The following NF2 variants were observed in gnomAD, a reference collection of about 807,000 sequenced individuals.
The protein encoded by NF2 is NF2, moesin-ezrin-radixin like (MERLIN) tumor suppressor, also known as merlin.
In NF2, 8 loss-of-function variants were observed where a neutral mutation model predicts 83.7. The observed-to-expected ratio is 0.10, with a 90% CI of 0.06 to 0.17. NF2 has a LOEUF of 0.17. Among genes scored for constraint, NF2 ranks in the 10% least tolerant of loss-of-function variants. NF2 has a pLI of 1.00. For synonymous variants in NF2, 266 were observed against 269.6 expected (o/e 0.99, Z 0.13); for missense variants, 533 against 744.4 (o/e 0.72, Z 3.31).
intron 4 of NF2, among the ~76,000 whole-genome samples, chr22:29,642,748 G>C (rs992409294): frequency 4.0e-5 from 6 of 151,858 alleles, no homozygotes; most frequent in African/African-American, 1.5e-4. Context: ...AGGTCAGAAA[G>C]GCCCAGGTCC....
intron 15 of NF2, chr22:29,683,105 G>C (rs756406669): frequency 6.2e-7 from 1 of 1,614,176 alleles, no homozygotes; most frequent in South Asian, 1.1e-5. Context: ...TGATGGTGCT[G>C]CCCTCTGTGA....
At chr22:29,665,491 G>T (rs1171015326) in intron 9 of NF2, among the ~76,000 whole-genome samples, 1 of 152,256 alleles carries the variant, frequency 6.6e-6, no homozygotes, top group South Asian at 2.1e-4. Flanking sequence ...TGACCCATCC[G>T]CCTGGGCTTC....
intron 15 of NF2, among the ~76,000 whole-genome samples, chr22:29,692,703 A>G (rs181312142): frequency 5.9e-5 from 9 of 152,222 alleles, no homozygotes; most frequent in Admixed American, 2.6e-4. Flanking sequence ...ACCCCTTCCT[A>G]ACGAGCACCC....
intron 7 of NF2, among the ~76,000 whole-genome samples, chr22:29,660,569 G>T (rs1003755496): frequency 4.0e-5 from 6 of 151,840 alleles, no homozygotes; most frequent in African/African-American, 1.5e-4. Flanking sequence ...AAACCTATGG[G>T]TTTTTTTTGT....
chr22:29,669,858 T>C (rs573265906), intron 10 of NF2, among the ~76,000 whole-genome samples: 2 of 152,332 alleles, frequency 1.3e-5, no homozygotes, highest in South Asian at 2.1e-4. Flanking sequence ...ACTAATGATA[T>C]ACCTTCTCCA....
chr22:29,664,371 CCACACACA>C (rs35386801), intron 8 of NF2, among the ~76,000 whole-genome samples: 20 of 146,430 alleles, frequency 1.4e-4, no homozygotes, highest in Middle Eastern at 3.5e-3. Flanking sequence ...AAAGCTAATA[CCACACACA>C]CACACACACA....
intron 14 of NF2, among the ~76,000 whole-genome samples, chr22:29,680,735 G>A (rs1352264242): frequency 6.6e-6 from 1 of 152,172 alleles, no homozygotes; most frequent in Admixed American, 6.5e-5. Context: ...AAGTGGGAAT[G>A]TGGATGTGGC....
chr22:29,644,067 G>C lies in NF2; in HGVS notation c.447+1782G>C, dbSNP rs1315674914. Among the ~76,000 whole-genome samples, 14 of 150,254 alleles carry C rather than the reference G, an allele frequency of 9.3e-5. No individual in the cohort carries two copies. The East Asian group carries it at 2.8e-3, about 30-fold the overall frequency. ...GACGGGGTGGCTGCCGGGCGGAGACGCTCCTCACTTCCCAGACGGGGTGGC... is the reference window on the plus strand; with the variant it reads ...GACGGGGTGGCTGCCGGGCGGAGACCCTCCTCACTTCCCAGACGGGGTGGC... On this transcript the variant is annotated intron_variant, in intron 4 of 15. Coordinates refer to ENST00000338641, the MANE Select transcript of NF2 (RefSeq NM_000268.4).
At position 29,604,102 on chromosome 22, in the gene NF2, T is replaced by G. The variant is rs1601516107; in HGVS notation, c.104T>G (p.Phe35Cys). The change falls in exon 1 of 16, where the codon TTC (phenylalanine) becomes TGC (cysteine). Residue 35 changes from phenylalanine to cysteine, a missense_variant. Phe to Cys is a radical substitution (Grantham distance 205). Transcript: ENST00000338641. ...RIVTMDAEMEFNCEMKWKGKD... is the reference protein window; with the variant it reads ...RIVTMDAEMECNCEMKWKGKD... ...GTCACCATGGACGCCGAGATGGAGT[T>G]CAATTGCGAGGTAACCGGCCGGCAG... 6.2e-7 allele frequency: 1 copy of G among 1,604,854 alleles called. No individual in the cohort carries two copies. The highest frequency in any genetic ancestry group is 2.2e-5 in the East Asian group (1 of 44,630).
chr22:29,631,573 A>G (rs898791086), intron 1 of NF2, among the ~76,000 whole-genome samples: 2 of 152,226 alleles, frequency 1.3e-5, no homozygotes, highest in African/African-American at 4.8e-5. Flanking sequence ...AATGACTGAT[A>G]GTATGGTTAG....
intron 1 of NF2, among the ~76,000 whole-genome samples, chr22:29,621,893 C>CGAAT (rs2065225565): frequency 2.0e-5 from 3 of 152,262 alleles, no homozygotes; most frequent in African/African-American, 7.2e-5. Flanking sequence ...TGAACTCATT[C>CGAAT]TCCTTCTAGG....
intron 13 of NF2, among the ~76,000 whole-genome samples, chr22:29,676,211 TCA>T (rs1164807933): frequency 1.3e-5 from 2 of 152,106 alleles, no homozygotes; most frequent in African/African-American, 2.4e-5. Flanking sequence ...ATTTACTCTG[TCA>T]CCCAGGCTGG....
chr22:29,667,215 G>A (rs2066648740), intron 9 of NF2, among the ~76,000 whole-genome samples: 1 of 151,870 alleles, frequency 6.6e-6, no homozygotes, highest in South Asian at 2.1e-4. Context: ...CATCTAAAAT[G>A]GTATCTCATT....
At chr22:29,650,448 G>T (rs1463482865) in intron 4 of NF2, among the ~76,000 whole-genome samples, 2 of 152,024 alleles carry the variant, frequency 1.3e-5, no homozygotes, top group Non-Finnish European at 2.9e-5. Flanking sequence ...TAAACTTACT[G>T]TCCATTTGTA....
intron 3 of NF2, among the ~76,000 whole-genome samples, chr22:29,641,368 C>A (rs189319724): frequency 1.3e-3 from 205 of 152,286 alleles, no homozygotes; most frequent in African/African-American, 4.7e-3. Flanking sequence ...AAATGGCTTT[C>A]TTGTAAGTAC....
At chr22:29,693,966 G>A (rs567277650) in intron 15 of NF2, among the ~76,000 whole-genome samples, 3 of 152,298 alleles carry the variant, frequency 2.0e-5, no homozygotes, top group East Asian at 3.9e-4. Context: ...TCTATCCAGG[G>A]AGATGCTGGG....
chr22:29,617,819 A>C (rs2065117948), intron 1 of NF2, among the ~76,000 whole-genome samples: 1 of 152,204 alleles, frequency 6.6e-6, no homozygotes, highest in Admixed American at 6.6e-5. Context: ...CCACACTTTG[A>C]ATAGCAGAGC....
chr22:29,697,636 G>A lies in NF2; in HGVS notation c.*2834G>A, dbSNP rs890084618. ...GGCTGGAGTGCAATGGCGTGATCTC[G>A]GCTCACCGCAACCTCCGCCTCCCGG... is the stretch of plus-strand genomic sequence containing the variant. On this transcript the variant is annotated 3_prime_UTR_variant, in exon 16 of 16. Coordinates refer to ENST00000338641, the MANE Select transcript of NF2 (RefSeq NM_000268.4). 10 of 171,940 alleles carry A rather than the reference G, an allele frequency of 5.8e-5. No homozygotes were observed. Among genetic ancestry groups the A allele is most frequent in the African/African-American group, 1.9e-4 (8 of 41,250 alleles). 10.7% of individuals were successfully genotyped at this position (171,940 alleles called of 1,614,324 possible). A position where few individuals can be genotyped will look rare whatever the true frequency, so the allele number is the denominator to read the frequency against.
At chr22:29,606,012 T>C (rs2064784884) in intron 1 of NF2, among the ~76,000 whole-genome samples, 1 of 152,180 alleles carries the variant, frequency 6.6e-6, no homozygotes, top group African/African-American at 2.4e-5. Flanking sequence ...TGGAGTGCAA[T>C]GGTGTGATCT....
Sources: allele counts gnomAD v4.1 joint callset (sites outside exome capture counted in the v4.1 genomes callset), GRCh38; gene constraint gnomAD v4.1.1; transcripts MANE v1.5; gene names NCBI Gene and HGNC (gene_info 2026-07-23, HGNC 2026-07-21).